Variants in ASB3 observed in about 807,000 individuals in gnomAD.
ASB3 encodes the protein ankyrin repeat and SOCS box protein 3.
ASB3 carries 41 observed loss-of-function variants against 54.5 expected under a neutral mutation model. That is an observed-to-expected ratio of 0.75 (90% CI 0.59 to 0.98). ASB3 has a LOEUF of 0.98. Ranked by LOEUF, ASB3 falls within the 50% of genes least tolerant of loss-of-function variation. The pLI is 0.00. For synonymous variants in ASB3, 266 were observed against 221.2 expected, an observed-to-expected ratio of 1.20 and a Z score of -1.80; for missense variants, 733 against 620.0, an observed-to-expected ratio of 1.18 and a Z score of -1.94.
chr2:53,716,254 G>T (rs921992604), intron 6 of ASB3, among the ~76,000 whole-genome samples: 1 of 152,098 alleles, frequency 6.6e-6, no homozygotes, highest in Non-Finnish European at 1.5e-5. Flanking sequence ...AAGATGCCTG[G>T]GATAAAACTA....
In ASB3 at chr2:53,750,836, G is replaced by C. The variant is rs760550005; in HGVS notation, c.302C>G (p.Ala101Gly). 3.7e-6 allele frequency: 6 copies of C among 1,602,336 alleles called. No homozygotes were observed. The African/African-American group carries it at 4.0e-5, about 11-fold the overall frequency. The change falls in exon 3 of 10, where the codon GCT becomes GGT. Residue 101 changes from alanine to glycine, a missense_variant. By Grantham distance (60) the Ala-to-Gly change is moderately conservative (BLOSUM62 0). Transcript: ENST00000263634. ...HWKIVQILLE[A>G]GADPNATTLE... ...AGTAGTTGCATTAGGATCTGCCCCA[G>C]CTTCTAAAAGAATCTGTACGATTTT... is the stretch of plus-strand genomic sequence containing the variant.
intron 3 of ASB3, among the ~76,000 whole-genome samples, chr2:53,743,798 T>C (rs2103975345): frequency 6.6e-6 from 1 of 152,352 alleles, no homozygotes; most frequent in Non-Finnish European, 1.5e-5. Flanking sequence ...ATCCCAGTTC[T>C]TCGGGAGGCC....
chr2:53,714,559 G>A lies in ASB3; in HGVS notation c.805C>T (p.Leu269Phe), dbSNP rs761420194. 1 of 1,614,180 alleles carries A rather than the reference G, an allele frequency of 6.2e-7. No individual in the cohort carries two copies. Among genetic ancestry groups the A allele is most frequent in the South Asian group, 1.1e-5 (1 of 91,084 alleles). The change falls in exon 7 of 10, where the codon CTT becomes TTT. Residue 269 changes from leucine to phenylalanine, a missense_variant. Coordinates refer to ENST00000263634, the MANE Select transcript of ASB3 (RefSeq NM_016115.5). Reference sequence around the variant, plus strand: ...CCAGTGTCACAGGCCCGGTTAGTAAGTGGTATTAACAAGTCCAAGATTCTA... The same window carrying A: ...CCAGTGTCACAGGCCCGGTTAGTAAATGGTATTAACAAGTCCAAGATTCTA... The part of the protein sequence containing the change: ...HTKILDLLIP[L>F]TNRACDTGLN...
chr2:53,729,956 C>T (rs1407839840), intron 3 of ASB3, among the ~76,000 whole-genome samples: 1 of 152,206 alleles, frequency 6.6e-6, no homozygotes, highest in Non-Finnish European at 1.5e-5. Context: ...GCTATTACTA[C>T]ATTTGATCAC....
intron 1 of ASB3, among the ~76,000 whole-genome samples, chr2:53,768,438 G>A (rs1673653741): frequency 6.6e-6 from 1 of 152,204 alleles, no homozygotes; most frequent in Non-Finnish European, 1.5e-5. Context: ...AATTAAATTT[G>A]TTGGCATTTC....
At chr2:53,783,684 A>G (rs1048087576) in intron 1 of ASB3, among the ~76,000 whole-genome samples, 10 of 152,240 alleles carry the variant, frequency 6.6e-5, no homozygotes, top group African/African-American at 2.4e-4. Context: ...ACAAAAAGCA[A>G]GAGAATGTCT....
intron 4 of ASB3, 108 bp from the exon 5 acceptor site, chr2:53,728,955 A>T: frequency 7.6e-7 from 1 of 1,316,662 alleles, no homozygotes; most frequent in Non-Finnish European, 1.0e-6. Flanking sequence ...CTAAAGGATA[A>T]CTTGAAGGAA....
chr2:53,714,872 A>G (rs539047168), intron 6 of ASB3, among the ~76,000 whole-genome samples: 4 of 152,304 alleles, frequency 2.6e-5, no homozygotes, highest in Admixed American at 1.3e-4. Flanking sequence ...TTACCTTACT[A>G]GCACCACCTT....
chr2:53,776,268 A>G (rs1332295228), intron 1 of ASB3, among the ~76,000 whole-genome samples: 1 of 152,204 alleles, frequency 6.6e-6, no homozygotes, highest in Non-Finnish European at 1.5e-5. Flanking sequence ...AGTTTTCCAG[A>G]CGGCATTTCA....
chr2:53,774,409 GA>G, intron 1 of ASB3: 1 of 1,612,622 alleles, frequency 6.2e-7, no homozygotes, highest in South Asian at 1.1e-5. Context: ...ATATCTTTTT[GA>G]ACTTGCAAAT....
Position 53,753,648 on chromosome 2 carries a change from T to G in ASB3, c.197-2707A>C, listed in dbSNP as rs962239730. Among the ~76,000 whole-genome samples the G allele has an allele frequency of 2.7e-4, 39 of 146,512 alleles. No individual in the cohort carries two copies. In the East Asian group the frequency reaches 6.2e-3, roughly 23 times the overall value. On this transcript the variant is annotated intron_variant, in intron 2 of 9. Coordinates refer to ENST00000263634, the MANE Select transcript of ASB3 (RefSeq NM_016115.5). ...TCAGATCTTGGTTTTCTCTCTTTCT[T>G]TCTGTTTTTTTTTTTTGAGACAGTG...
At chr2:53,675,218 T>C (rs1207568234) in intron 9 of ASB3, among the ~76,000 whole-genome samples, 1 of 152,158 alleles carries the variant, frequency 6.6e-6, no homozygotes, top group Non-Finnish European at 1.5e-5. Context: ...CACCACAGAA[T>C]CTAGTGATCT....
At chr2:53,681,507 C>A (rs534594176) in intron 9 of ASB3, among the ~76,000 whole-genome samples, 2 of 152,230 alleles carry the variant, frequency 1.3e-5, no homozygotes, top group South Asian at 4.1e-4. Context: ...GTCTTAAACT[C>A]TTTAATGCAT....
At chr2:53,777,337 G>A (rs1389267257) in intron 1 of ASB3, among the ~76,000 whole-genome samples, 1 of 152,146 alleles carries the variant, frequency 6.6e-6, no homozygotes, top group Non-Finnish European at 1.5e-5. Flanking sequence ...CCCAAAGATT[G>A]CAATTTTCAT....
At position 53,774,710 on chromosome 2, in the gene ASB3, A is replaced by G. The variant is rs144304649; in HGVS notation, c.-13-9125T>C. The G allele has an allele frequency of 1.2e-5, 6 of 488,222 alleles. No individual in the cohort carries two copies. In the East Asian group the frequency reaches 2.0e-4, roughly 16 times the overall value. 30.2% of individuals were successfully genotyped at this position (488,222 alleles called of 1,614,324 possible). On this transcript the variant is annotated intron_variant, in intron 1 of 9. Transcript: ENST00000263634. Reference sequence around the variant, plus strand: ...AAAGAAAAATTCAAATTTTAATAACATAAAGATTTCCTAACTTTATGTTAT... The same window carrying G: ...AAAGAAAAATTCAAATTTTAATAACGTAAAGATTTCCTAACTTTATGTTAT...
chr2:53,758,372 T>C (rs1672954964), intron 2 of ASB3, among the ~76,000 whole-genome samples: 1 of 152,240 alleles, frequency 6.6e-6, no homozygotes, highest in Admixed American at 6.5e-5. Context: ...GGCGTATTCC[T>C]ACAAGGGAAA....
At chr2:53,709,487 G>C (rs957819780) in intron 7 of ASB3, among the ~76,000 whole-genome samples, 25 of 152,190 alleles carry the variant, frequency 1.6e-4, no homozygotes, top group African/African-American at 6.0e-4. Context: ...GAGGGAAGGA[G>C]AGAGCCTGGA....
intron 9 of ASB3, among the ~76,000 whole-genome samples, chr2:53,682,639 G>C (rs1668436200): frequency 6.6e-6 from 1 of 151,904 alleles, no homozygotes; most frequent in Non-Finnish European, 1.5e-5. Flanking sequence ...ACCACGCCCG[G>C]CTAATTTTTG....
intron 8 of ASB3, among the ~76,000 whole-genome samples, chr2:53,697,767 C>T (rs1273051548): frequency 1.3e-5 from 2 of 152,144 alleles, no homozygotes; most frequent in African/African-American, 4.8e-5. Flanking sequence ...GATAATCTTC[C>T]CTGACTCCAC....
Sources: gnomAD v4.1 joint callset for allele counts (sites outside exome capture counted in the v4.1 genomes callset) on GRCh38, gnomAD v4.1.1 for gene constraint, MANE v1.5 for transcripts, NCBI Gene and HGNC (gene_info 2026-07-23, HGNC 2026-07-21) for gene names.